Variants in C1orf54 observed in about 807,000 individuals in gnomAD.
The protein encoded by C1orf54 is uncharacterized protein C1orf54.
In C1orf54, 12 loss-of-function variants were observed where a neutral mutation model predicts 14.7. That is an observed-to-expected ratio of 0.82 (90% confidence interval 0.52 to 1.32). The LOEUF (loss-of-function observed/expected upper bound fraction) is 1.32. Among genes scored for constraint, C1orf54 ranks in the 40% most tolerant of loss-of-function variants. C1orf54 has a pLI of 0.00. For missense variants in C1orf54, 163 were observed against 162.2 expected, an observed-to-expected ratio of 1.00 and a Z score of -0.03; for synonymous variants, 65 against 56.3, an observed-to-expected ratio of 1.16 and a Z score of -0.70.
chr1:150,276,428 G>T, intron 3 of C1orf54, 94 bp from the exon 4 acceptor site: 1 of 955,670 alleles, frequency 1.0e-6, no homozygotes. Flanking sequence ...GCTGGGTGGA[G>T]GTGGTGAAGG....
At chr1:150,271,206 A>G (rs1044340714), upstream of C1orf54, among the ~76,000 whole-genome samples, 2 of 151,186 alleles carry the variant, frequency 1.3e-5, no homozygotes, top group Non-Finnish European at 3.0e-5. Context: ...TCTGCCTCCC[A>G]GGTTCAAGTG....
intron 4 of C1orf54, 99 bp downstream of exon 4, chr1:150,276,731 A>G: frequency 2.1e-6 from 2 of 939,564 alleles, no homozygotes; most frequent in Non-Finnish European, 3.4e-6. Context: ...TGGATGGGAG[A>G]ACCAAATAAT....
chr1:150,276,684 C>T (rs781911800), intron 4 of C1orf54, 52 bp downstream of exon 4: 4 of 1,433,496 alleles, frequency 2.8e-6, no homozygotes, highest in South Asian at 1.1e-5. Flanking sequence ...TCCCTAGTGA[C>T]GTGGAATACA....
chr1:150,278,366 G>A (rs1057071296), intron 4 of C1orf54, among the ~76,000 whole-genome samples: 2 of 152,230 alleles, frequency 1.3e-5, no homozygotes, highest in Admixed American at 6.5e-5. Flanking sequence ...AACTATGGGA[G>A]GCCAGAGTGG....
chr1:150,275,829 G>A lies in C1orf54; in HGVS notation c.189+30G>A, dbSNP rs587644274. 57 of 1,577,140 alleles carry A rather than the reference G, an allele frequency of 3.6e-5. No individual in the cohort carries two copies. The South Asian group carries it at 4.7e-4, about 13-fold the overall frequency. On this transcript the variant is annotated intron_variant, in intron 3 of 5. Coordinates refer to ENST00000369099, the MANE Select transcript of C1orf54 (RefSeq NM_024579.4). ...GTGAACTCTACATCTAAAAGGGTTA[G>A]GATAAGTAACAATTAAAAAGAAACT...
chr1:150,275,582 A>G (rs1305699203), intron 2 of C1orf54, among the ~76,000 whole-genome samples, 159 bp from the exon 3 acceptor site: 1 of 152,142 alleles, frequency 6.6e-6, no homozygotes, highest in Admixed American at 6.5e-5. Context: ...ATGCATACAC[A>G]TTCACAGTCA....
intron 4 of C1orf54, among the ~76,000 whole-genome samples, chr1:150,277,499 T>TCAAA (rs1235256110): frequency 1.9e-5 from 2 of 107,016 alleles, no homozygotes; most frequent in Non-Finnish European, 3.5e-5. Flanking sequence ...TGAGACTCTA[T>TCAAA]ACTAAAAAAA....
At chr1:150,268,802 A>C, upstream of C1orf54, 1 of 1,612,808 alleles carries the variant, frequency 6.2e-7, no homozygotes, top group African/African-American at 1.3e-5. Context: ...AAAACACCGC[A>C]GCCCCCATGG....
chr1:150,268,787 G>A, upstream of C1orf54: 8 of 1,613,680 alleles, frequency 5.0e-6, no homozygotes, highest in Non-Finnish European at 6.8e-6. Context: ...CGAAAGTGCA[G>A]CCGAAAAACA....
In C1orf54 at chr1:150,274,089, CAAGA is replaced by C; in HGVS notation, c.51_54del (p.Gln17HisfsTer46). ...ACCTCTAGTCCTTGTCCCCATAGGA[CAAGA>C]ATATGAGGATGAAGAAAGACTGGGA... On this transcript the variant is annotated frameshift_variant, in exon 2 of 6. Transcript: ENST00000369099. LOFTEE classifies it high-confidence loss of function. 6.2e-7 allele frequency: 1 copy of C among 1,609,308 alleles called. No homozygotes were observed. The highest frequency in any genetic ancestry group is 8.5e-7 in the Non-Finnish European group (1 of 1,175,902).
intron 4 of C1orf54, among the ~76,000 whole-genome samples, chr1:150,279,010 G>A (rs1042982019): frequency 6.6e-5 from 10 of 152,350 alleles, no homozygotes; most frequent in African/African-American, 9.6e-5. Flanking sequence ...AGTGGCTCAC[G>A]CCTGTAATCC....
Position 150,279,723 on chromosome 1 carries a change from G to T in C1orf54, c.381G>T (p.Gly127=), listed in dbSNP as rs782264525. 2 of 1,612,334 alleles carry T rather than the reference G, an allele frequency of 1.2e-6. No individual in the cohort carries two copies. Among genetic ancestry groups the T allele is most frequent in the African/African-American group, 2.7e-5 (2 of 74,866 alleles). Residue 127 remains glycine (G), a synonymous_variant, in exon 5 of 6, where the codon GGG becomes GGT. Coordinates refer to ENST00000369099, the MANE Select transcript of C1orf54 (RefSeq NM_024579.4). ...TGTCGTGTGCCTTTGTTCAGGTGGGGATGTATTTCATGTAGAAGGTAAGAG... is the reference window on the plus strand; with the variant it reads ...TGTCGTGTGCCTTTGTTCAGGTGGGTATGTATTTCATGTAGAAGGTAAGAG... ...LLLSCAFVQV[G]MYFM is the part of the protein sequence containing the mutation.
At chr1:150,279,406 A>G (rs1317642939) in intron 4 of C1orf54, among the ~76,000 whole-genome samples, 1 of 152,208 alleles carries the variant, frequency 6.6e-6, no homozygotes, top group East Asian at 1.9e-4. Context: ...TAATGCACAT[A>G]ATAGATAAAA....
At chr1:150,270,749 C>A (rs1284095038), upstream of C1orf54, among the ~76,000 whole-genome samples, 1 of 152,100 alleles carries the variant, frequency 6.6e-6, no homozygotes, top group Non-Finnish European at 1.5e-5. Flanking sequence ...GTAATCCCAG[C>A]ACTTTGGGAG....
chr1:150,280,560 T>C (rs1442465990), intron 5 of C1orf54, among the ~76,000 whole-genome samples: 3 of 152,158 alleles, frequency 2.0e-5, no homozygotes, highest in Non-Finnish European at 4.4e-5. Flanking sequence ...TTCTCTGATG[T>C]ATGGCAGGGC....
chr1:150,271,569 T>A (rs1652208305), upstream of C1orf54, among the ~76,000 whole-genome samples: 2 of 152,378 alleles, frequency 1.3e-5, no homozygotes, highest in South Asian at 4.1e-4. Context: ...AAAGCAAAAC[T>A]GTCTTTTCTT....
At chr1:150,274,906 A>C (rs6676685) in intron 2 of C1orf54, among the ~76,000 whole-genome samples, 95,965 of 130,784 alleles carry the variant, frequency 0.73, 33,419 homozygotes, top group African/African-American at 0.91. Flanking sequence ...GAATGAGACT[A>C]CGTCACAAAA....
intron 4 of C1orf54, among the ~76,000 whole-genome samples, chr1:150,278,051 C>T (rs1399095148): frequency 2.6e-5 from 4 of 151,794 alleles, no homozygotes; most frequent in East Asian, 2.0e-4. Flanking sequence ...GAGCCGAAAT[C>T]GCGCTATTGC....
upstream of C1orf54, chr1:150,269,167 G>A: frequency 4.2e-6 from 1 of 240,628 alleles, no homozygotes; most frequent in South Asian, 4.8e-5. Flanking sequence ...GGAGTGGCTC[G>A]AGCCGGTTAA....
Sources: gnomAD v4.1 joint callset for allele counts (sites outside exome capture counted in the v4.1 genomes callset) on GRCh38, gnomAD v4.1.1 for gene constraint, MANE v1.5 for transcripts, NCBI Gene and HGNC (gene_info 2026-07-23, HGNC 2026-07-21) for gene names.